The following CSTPP1 variants were observed in gnomAD, a reference collection of about 807,000 sequenced individuals.
The protein encoded by CSTPP1 is centriolar satellite-associated tubulin polyglutamylase complex regulator 1, also known as UPF0705 protein C11orf49.
the CSTPP1 span, among the ~76,000 whole-genome samples, chr11:47,153,689 G>A: frequency 6.6e-6 from 1 of 152,166 alleles, no homozygotes; most frequent in Non-Finnish European, 1.5e-5. Context: ...CACGCAGTAG[G>A]GCACTCAGGA....
chr11:46,964,134 C>T, the CSTPP1 span, among the ~76,000 whole-genome samples: 3 of 152,112 alleles, frequency 2.0e-5, no homozygotes, highest in Non-Finnish European at 4.4e-5. Context: ...TGGTTAAAAT[C>T]TTTCACTAAC....
the CSTPP1 span, among the ~76,000 whole-genome samples, chr11:46,989,053 A>G: frequency 6.6e-6 from 1 of 151,902 alleles, no homozygotes; most frequent in Non-Finnish European, 1.5e-5. Flanking sequence ...AACATGTTGA[A>G]ACCCCATCTC....
chr11:47,144,902 T>G, the CSTPP1 span, among the ~76,000 whole-genome samples: 24 of 152,144 alleles, frequency 1.6e-4, no homozygotes, highest in East Asian at 4.6e-3. Context: ...ATAATTTATA[T>G]TTCTAAAAAA....
chr11:47,047,829 C>A, the CSTPP1 span, among the ~76,000 whole-genome samples: 1 of 152,072 alleles, frequency 6.6e-6, no homozygotes, highest in East Asian at 1.9e-4. Flanking sequence ...CAAAACAACC[C>A]AATTTAAAAA....
chr11:46,936,999 T>A, the CSTPP1 span: 9 of 1,126,710 alleles, frequency 8.0e-6, no homozygotes, highest in Non-Finnish European at 1.1e-5. Context: ...GGCCTGAGCC[T>A]GTAAGGCCGA....
chr11:47,030,143 A>G, the CSTPP1 span, among the ~76,000 whole-genome samples: 1 of 152,068 alleles, frequency 6.6e-6, no homozygotes, highest in African/African-American at 2.4e-5. Flanking sequence ...AAACAAAACA[A>G]AACAAAAAAA....
the CSTPP1 span, among the ~76,000 whole-genome samples, chr11:47,018,062 A>T: frequency 6.6e-6 from 1 of 152,170 alleles, no homozygotes; most frequent in Non-Finnish European, 1.5e-5. Context: ...ATGTGTCAGT[A>T]CTTTGCTTCT....
At chr11:47,003,347 C>G in the CSTPP1 span, among the ~76,000 whole-genome samples, 17 of 152,136 alleles carry the variant, frequency 1.1e-4, no homozygotes, top group African/African-American at 3.9e-4. Context: ...AATGAGCTGG[C>G]GTGGGGGTGG....
chr11:46,952,886 A>C, the CSTPP1 span, among the ~76,000 whole-genome samples: 3 of 152,188 alleles, frequency 2.0e-5, no homozygotes, highest in Non-Finnish European at 4.4e-5. Flanking sequence ...GCTGCTAAAT[A>C]ATTTTATTTT....
At chr11:47,156,689 T>G in the CSTPP1 span, among the ~76,000 whole-genome samples, 1 of 151,854 alleles carries the variant, frequency 6.6e-6, no homozygotes, top group Non-Finnish European at 1.5e-5. Flanking sequence ...GGAGACAGAT[T>G]AGACAATTAA....
At chr11:47,012,862 A>G in the CSTPP1 span, among the ~76,000 whole-genome samples, 1 of 151,790 alleles carries the variant, frequency 6.6e-6, no homozygotes, top group African/African-American at 2.4e-5. Context: ...TTTTTATACT[A>G]CCGAGGTCAG....
the CSTPP1 span, among the ~76,000 whole-genome samples, chr11:47,152,242 C>CAA: frequency 8.1e-5 from 11 of 136,286 alleles, no homozygotes; most frequent in South Asian, 7.0e-4. Flanking sequence ...GAGCAAGACT[C>CAA]AAAAAAAAAA....
At chr11:47,005,552 T>G in the CSTPP1 span, among the ~76,000 whole-genome samples, 1 of 152,154 alleles carries the variant, frequency 6.6e-6, no homozygotes, top group African/African-American at 2.4e-5. Flanking sequence ...TTGAGTCTTA[T>G]AGAGGAGTTT....
chr11:47,031,843 T>C, the CSTPP1 span, among the ~76,000 whole-genome samples: 1 of 152,062 alleles, frequency 6.6e-6, no homozygotes, highest in South Asian at 2.1e-4. Context: ...ACTCACACAA[T>C]CACAAGGTCC....
the CSTPP1 span, among the ~76,000 whole-genome samples, chr11:47,020,002 A>G: frequency 6.6e-6 from 1 of 152,262 alleles, no homozygotes; most frequent in Admixed American, 6.5e-5. Flanking sequence ...ATTAAATAAT[A>G]TGACATTTAA....
the CSTPP1 span, among the ~76,000 whole-genome samples, chr11:47,060,482 C>T: frequency 1.3e-5 from 2 of 152,032 alleles, no homozygotes; most frequent in Admixed American, 6.6e-5. Flanking sequence ...AAGCAGTCCA[C>T]CCGCCTCAGC....
the CSTPP1 span, chr11:47,041,835 C>T: frequency 1.2e-5 from 5 of 411,920 alleles, 1 homozygote; most frequent in African/African-American, 3.8e-5. Flanking sequence ...GCTGGATGGC[C>T]AGGCTGCAAC....
chr11:47,010,990 G>A, the CSTPP1 span, among the ~76,000 whole-genome samples: 5 of 152,248 alleles, frequency 3.3e-5, no homozygotes, highest in African/African-American at 1.2e-4. Flanking sequence ...TGCCTGTTCA[G>A]TAGTTGCTTG....
the CSTPP1 span, chr11:47,156,922 TG>T: frequency 8.0e-7 from 1 of 1,257,300 alleles, no homozygotes; most frequent in Non-Finnish European, 1.1e-6. Flanking sequence ...GAGGCTGGTG[TG>T]GAACTGGGCT....
Sources: allele counts gnomAD v4.1 joint callset (sites outside exome capture counted in the v4.1 genomes callset), GRCh38; gene constraint gnomAD v4.1.1; transcripts MANE v1.5; gene names NCBI Gene and HGNC (gene_info 2026-07-23, HGNC 2026-07-21).